The following KMT2C variants were observed in gnomAD, a reference collection of about 807,000 sequenced individuals.
The protein encoded by KMT2C is lysine methyltransferase 2C.
Under a neutral mutation model 507.9 loss-of-function variants are expected in KMT2C, and 88 were observed. The observed-to-expected ratio is 0.17, with a 90% CI of 0.15 to 0.21. KMT2C has a LOEUF of 0.21. Among genes scored for constraint, KMT2C ranks in the 10% least tolerant of loss-of-function variants. The probability of loss-of-function intolerance (pLI) is 1.00; values close to 1 mark genes in which losing one functional copy is unlikely to be tolerated. For missense variants in KMT2C, 4,954 were observed against 5,957.8 expected, an observed-to-expected ratio of 0.83 and a Z score of 5.55; for synonymous variants, 2,049 against 2,080.8, an observed-to-expected ratio of 0.98 and a Z score of 0.42.
intron 23 of KMT2C, among the ~76,000 whole-genome samples, chr7:152,217,950 A>T (rs1405878087): frequency 2.0e-5 from 3 of 152,180 alleles, no homozygotes; most frequent in Admixed American, 6.5e-5. Flanking sequence ...CATCCTCAGA[A>T]ATGGAAATTC....
intron 19 of KMT2C, 100 bp downstream of exon 19, chr7:152,224,335 A>C (rs1332953119): frequency 1.8e-5 from 23 of 1,300,130 alleles, no homozygotes; most frequent in Non-Finnish European, 2.4e-5. Flanking sequence ...GAATATGTGT[A>C]TTATTCAATT....
chr7:152,307,239 A>T (rs1314356358), intron 6 of KMT2C, among the ~76,000 whole-genome samples: 7 of 129,346 alleles, frequency 5.4e-5, no homozygotes, highest in African/African-American at 2.3e-4. Context: ...GGAAGGAAGG[A>T]AGGAAGGAAG....
At chr7:152,157,393 A>G (rs1332230600) in intron 44 of KMT2C, among the ~76,000 whole-genome samples, 1 of 151,938 alleles carries the variant, frequency 6.6e-6, no homozygotes, top group Non-Finnish European at 1.5e-5. Context: ...ATTATTAGAT[A>G]TACTTAAAAT....
intron 9 of KMT2C, among the ~76,000 whole-genome samples, chr7:152,254,987 C>A: frequency 6.6e-6 from 1 of 150,840 alleles, no homozygotes; most frequent in East Asian, 1.9e-4. Flanking sequence ...TGTTGAAAAT[C>A]AGTATGAAGA....
intron 9 of KMT2C, among the ~76,000 whole-genome samples, chr7:152,258,011 C>T (rs1423066748): frequency 4.6e-5 from 7 of 152,208 alleles, no homozygotes; most frequent in African/African-American, 7.2e-5. Flanking sequence ...TGTATACACA[C>T]GCATGTATTT....
intron 6 of KMT2C, among the ~76,000 whole-genome samples, chr7:152,301,497 GA>G (rs2096568097): frequency 6.6e-6 from 1 of 152,000 alleles, no homozygotes; most frequent in African/African-American, 2.4e-5. Flanking sequence ...GACAGTGTGA[GA>G]CTCCATCTCA....
chr7:152,227,504 A>G (rs1008990276), intron 18 of KMT2C, among the ~76,000 whole-genome samples: 2 of 152,216 alleles, frequency 1.3e-5, no homozygotes, highest in African/African-American at 4.8e-5. Flanking sequence ...TGGACAACAC[A>G]TAGTACAGGA....
intron 31 of KMT2C, among the ~76,000 whole-genome samples, chr7:152,191,285 T>C (rs991080201): frequency 1.3e-5 from 2 of 152,118 alleles, no homozygotes; most frequent in Admixed American, 1.3e-4. Context: ...TAAAACTAAA[T>C]TCATTGTACC....
At chr7:152,408,983 G>T (rs1340860744) in intron 1 of KMT2C, among the ~76,000 whole-genome samples, 1 of 151,892 alleles carries the variant, frequency 6.6e-6, no homozygotes, top group Non-Finnish European at 1.5e-5. Context: ...CAAACTGGGT[G>T]GGTTTCTCTC....
intron 2 of KMT2C, among the ~76,000 whole-genome samples, chr7:152,336,287 G>A (rs1004650941): frequency 1.8e-4 from 28 of 152,138 alleles, no homozygotes; most frequent in African/African-American, 6.8e-4. Context: ...CTCTTCATTT[G>A]GTAGACTATG....
intron 6 of KMT2C, among the ~76,000 whole-genome samples, chr7:152,299,285 TC>T (rs1315891065): frequency 6.6e-6 from 1 of 151,480 alleles, no homozygotes; most frequent in Non-Finnish European, 1.5e-5. Context: ...GCCACTGCAC[TC>T]CAGCCTGGCA....
intron 49 of KMT2C, 75 bp from the exon 50 acceptor site, chr7:152,151,656 A>G: frequency 8.2e-7 from 1 of 1,224,890 alleles, no homozygotes; most frequent in African/African-American, 1.5e-5. Flanking sequence ...AAAATTATGC[A>G]GTATCAACTC....
rs373714932 is a variant in KMT2C at position 152,224,427 on chromosome 7, T to G, written c.3158+8A>C. 1 of 1,608,516 alleles carries G rather than the reference T, an allele frequency of 6.2e-7. No individual in the cohort carries two copies. Among genetic ancestry groups the G allele is most frequent in the Non-Finnish European group, 8.5e-7 (1 of 1,177,000 alleles). On this transcript the variant is annotated splice_region_variant and intron_variant, in intron 19 of 58. Coordinates refer to ENST00000262189, the MANE Select transcript of KMT2C (RefSeq NM_170606.3). ...AAAGACTAACAAGGCAAACAAACCC[T>G]AGAGTACCATTTGCACTTCCAGCCT...
intron 1 of KMT2C, among the ~76,000 whole-genome samples, chr7:152,362,999 T>C (rs752483576): frequency 6.6e-6 from 1 of 152,220 alleles, no homozygotes; most frequent in Non-Finnish European, 1.5e-5. Flanking sequence ...GGTGTCCTTA[T>C]TGCTGCTCAT....
chr7:152,193,943 G>C, intron 31 of KMT2C, 66 bp downstream of exon 31: 1 of 1,371,668 alleles, frequency 7.3e-7, no homozygotes, highest in Non-Finnish European at 9.6e-7. Flanking sequence ...GCTTGTGTGT[G>C]TATATGTACC....
chr7:152,180,889 T>C lies in KMT2C; in HGVS notation c.6971A>G (p.Asp2324Gly), dbSNP rs758129499. The change falls in exon 36 of 59, where the codon GAT (aspartate) becomes GGT (glycine). Residue 2324 changes from aspartate (D) to glycine (G), a missense_variant. Asp to Gly is a moderately conservative substitution (Grantham distance 94). Transcript: ENST00000262189. Reference sequence around the variant, plus strand: ...CCCCTCTGATCCAGGCCTTGGCTGATCAGCAACATCATGGGCAGTTTGACT... The same window carrying C: ...CCCCTCTGATCCAGGCCTTGGCTGACCAGCAACATCATGGGCAGTTTGACT... ...GTSQTAHDVA[D>G]QPRPGSEGSF... 5.6e-6 allele frequency: 9 copies of C among 1,614,154 alleles called. No homozygotes were observed. Among genetic ancestry groups the C allele is most frequent in the Non-Finnish European group, 6.8e-6 (8 of 1,180,020 alleles).
At position 152,176,467 on chromosome 7, in the gene KMT2C, C is replaced by A. The variant is rs1400406838; in HGVS notation, c.8986G>T (p.Gly2996Cys). 1.2e-6 allele frequency: 2 copies of A among 1,614,160 alleles called. No individual in the cohort carries two copies. The highest frequency in any genetic ancestry group is 1.7e-6 in the Non-Finnish European group (2 of 1,180,028). ...AGACTGTGGTTAACTGTTGATTGACCTGGAATGAGCCCTGGGTTTACCTGC... is the reference window on the plus strand; with the variant it reads ...AGACTGTGGTTAACTGTTGATTGACATGGAATGAGCCCTGGGTTTACCTGC... ...GVQVNPGLIPGQSTVNHSLGT... is the reference protein window; with the variant it reads ...GVQVNPGLIPCQSTVNHSLGT... The change falls in exon 38 of 59, where the codon GGT becomes TGT. Residue 2996 changes from glycine (G) to cysteine (C), a missense_variant. This residue lies in a region of KMT2C where 1,689 missense variants were observed against 1,654.3 expected (regional missense o/e 1.02). Transcript: ENST00000262189.
chr7:152,270,766 T>C (rs2095949653), intron 7 of KMT2C, among the ~76,000 whole-genome samples: 2 of 152,232 alleles, frequency 1.3e-5, no homozygotes, highest in Non-Finnish European at 1.5e-5. Flanking sequence ...AAGGTTAATG[T>C]ATCCTTGTAT....
chr7:152,374,986 G>C (rs1283117360), intron 1 of KMT2C, among the ~76,000 whole-genome samples: 2 of 151,836 alleles, frequency 1.3e-5, no homozygotes, highest in East Asian at 3.9e-4. Context: ...CAAACATTAA[G>C]AGGAATATCC....
Sources: allele counts gnomAD v4.1 joint callset (sites outside exome capture counted in the v4.1 genomes callset), GRCh38; gene constraint gnomAD v4.1.1; regional missense constraint gnomAD v4.1.1; transcripts MANE v1.5; gene names NCBI Gene and HGNC (gene_info 2026-07-23, HGNC 2026-07-21).